CSMD3: variants seen among roughly 807,000 people sequenced by gnomAD.
CSMD3 encodes CUB and Sushi multiple domains 3.
CSMD3 carries 177 observed loss-of-function variants against 435.2 expected under a neutral mutation model. The observed-to-expected ratio is 0.41, with a 90% CI of 0.36 to 0.46. The LOEUF is 0.46. Ranked by LOEUF, CSMD3 falls within the 20% of genes least tolerant of loss-of-function variation. The pLI, the probability that CSMD3 is intolerant of heterozygous loss-of-function variation, is 0.34. For missense variants in CSMD3, 4,265 were observed against 4,504.6 expected (o/e 0.95, Z 1.52); for synonymous variants, 1,656 against 1,520.5 (o/e 1.09, Z -2.07).
At chr8:112,543,560 T>C (rs1162036445) in intron 27 of CSMD3, among the ~76,000 whole-genome samples, 1 of 151,988 alleles carries the variant, frequency 6.6e-6, no homozygotes, top group Non-Finnish European at 1.5e-5. Flanking sequence ...GTCAGGAGGG[T>C]TATTATTTAT....
At chr8:112,924,907 A>G (rs889902083) in intron 9 of CSMD3, among the ~76,000 whole-genome samples, 32 of 152,286 alleles carry the variant, frequency 2.1e-4, no homozygotes, top group African/African-American at 7.7e-4. Flanking sequence ...TGTCTATCAC[A>G]TATCAAGCAC....
intron 10 of CSMD3, among the ~76,000 whole-genome samples, chr8:112,910,934 T>C (rs929133687): frequency 2.0e-5 from 3 of 151,958 alleles, no homozygotes; most frequent in African/African-American, 7.2e-5. Context: ...TTTCACAATG[T>C]TGATCACATC....
At chr8:112,541,531 C>A (rs1412623049) in intron 27 of CSMD3, among the ~76,000 whole-genome samples, 3 of 151,716 alleles carry the variant, frequency 2.0e-5, no homozygotes, top group African/African-American at 7.3e-5. Flanking sequence ...TAGAAATATA[C>A]AGTCTACCAA....
At chr8:113,269,630 G>C (rs2093502894) in intron 3 of CSMD3, among the ~76,000 whole-genome samples, 1 of 151,872 alleles carries the variant, frequency 6.6e-6, no homozygotes, top group Admixed American at 6.6e-5. Context: ...CAATGGAACA[G>C]AACAGAGCCC....
chr8:112,771,825 A>G (rs1185666120), intron 13 of CSMD3, among the ~76,000 whole-genome samples: 3 of 151,794 alleles, frequency 2.0e-5, no homozygotes, highest in African/African-American at 7.3e-5. Flanking sequence ...CATGAAATGA[A>G]TAGGAATAGA....
intron 3 of CSMD3, among the ~76,000 whole-genome samples, chr8:113,198,181 T>C (rs1055938753): frequency 6.6e-6 from 1 of 151,448 alleles, no homozygotes; most frequent in African/African-American, 2.4e-5. Context: ...TTTTATTAGC[T>C]TGGCTGACCT....
chr8:112,280,270 G>A (rs536656552), intron 59 of CSMD3, among the ~76,000 whole-genome samples: 7 of 152,066 alleles, frequency 4.6e-5, no homozygotes, highest in African/African-American at 1.4e-4. Flanking sequence ...TGAACACACA[G>A]TCTAAACAAT....
At chr8:112,363,532 AC>A (rs1827464614) in intron 38 of CSMD3, among the ~76,000 whole-genome samples, 1 of 151,930 alleles carries the variant, frequency 6.6e-6, no homozygotes, top group South Asian at 2.1e-4. Context: ...AAAGATTATT[AC>A]CTTCACTGCA....
chr8:112,861,689 GTT>G (rs1319453111), intron 10 of CSMD3, among the ~76,000 whole-genome samples: 1 of 151,862 alleles, frequency 6.6e-6, no homozygotes, highest in Admixed American at 6.6e-5. Context: ...TTATACAAGT[GTT>G]TAGGTGCTAG....
intron 27 of CSMD3, among the ~76,000 whole-genome samples, chr8:112,526,841 T>C (rs1563660471): frequency 6.6e-6 from 1 of 151,890 alleles, no homozygotes. Context: ...GAAATGGAAA[T>C]ACACTATTAG....
At chr8:113,007,379 C>T (rs1302707453) in intron 6 of CSMD3, among the ~76,000 whole-genome samples, 3 of 151,756 alleles carry the variant, frequency 2.0e-5, no homozygotes, top group African/African-American at 4.8e-5. Context: ...AGAGGGAAGC[C>T]TAATCCAATA....
intron 57 of CSMD3, among the ~76,000 whole-genome samples, chr8:112,287,629 A>G (rs1417945913): frequency 5.9e-5 from 9 of 152,126 alleles, no homozygotes; most frequent in Admixed American, 4.6e-4. Flanking sequence ...TGCAATTTGC[A>G]TGTTTCCTTT....
intron 2 of CSMD3, among the ~76,000 whole-genome samples, chr8:113,284,651 A>T (rs1384801324): frequency 6.6e-6 from 1 of 152,106 alleles, no homozygotes; most frequent in Non-Finnish European, 1.5e-5. Flanking sequence ...TGGTATTTAA[A>T]TATATTGTTT....
At chr8:112,849,660 A>G (rs1297908050) in intron 11 of CSMD3, among the ~76,000 whole-genome samples, 1 of 151,870 alleles carries the variant, frequency 6.6e-6, no homozygotes, top group Non-Finnish European at 1.5e-5. Context: ...GATGTTAAAT[A>G]TTGGATTAGA....
intron 28 of CSMD3, among the ~76,000 whole-genome samples, chr8:112,507,372 T>C (rs886453964): frequency 1.3e-5 from 2 of 152,162 alleles, no homozygotes; most frequent in Non-Finnish European, 2.9e-5. Context: ...CTTTAGGGGA[T>C]TACTGTTGAA....
intron 18 of CSMD3, among the ~76,000 whole-genome samples, chr8:112,655,237 T>C (rs1010783581): frequency 2.6e-5 from 4 of 152,098 alleles, no homozygotes; most frequent in African/African-American, 9.7e-5. Context: ...AAATCTCTTC[T>C]TGAGGGGGAA....
At chr8:113,085,095 T>A (rs1410342611) in intron 5 of CSMD3, among the ~76,000 whole-genome samples, 1 of 151,952 alleles carries the variant, frequency 6.6e-6, no homozygotes, top group African/African-American at 2.4e-5. Flanking sequence ...CAAATGAGAC[T>A]CTATTAAACT....
chr8:112,836,732 G>A (rs181116307), intron 11 of CSMD3, among the ~76,000 whole-genome samples: 2 of 151,910 alleles, frequency 1.3e-5, no homozygotes, highest in East Asian at 3.9e-4. Flanking sequence ...GGGCTTGCAT[G>A]CTTCTGGACA....
At chr8:112,645,036 G>A in intron 20 of CSMD3, 73 bp downstream of exon 20, 2 of 839,174 alleles carry the variant, frequency 2.4e-6, no homozygotes, top group Non-Finnish European at 4.2e-6. Flanking sequence ...AACATGTAAA[G>A]GAAAGTGAAA....
Sources: gnomAD v4.1 joint callset for allele counts (sites outside exome capture counted in the v4.1 genomes callset) on GRCh38, gnomAD v4.1.1 for gene constraint, MANE v1.5 for transcripts, NCBI Gene and HGNC (gene_info 2026-07-23, HGNC 2026-07-21) for gene names.